The following NT5DC3 variants were observed in gnomAD, a reference collection of about 807,000 sequenced individuals.
NT5DC3 encodes the protein 5'-nucleotidase domain containing 3.
Under a neutral mutation model 67.8 loss-of-function variants are expected in NT5DC3, and 42 were observed. That is an observed-to-expected ratio of 0.62 (90% CI 0.48 to 0.80). The LOEUF (loss-of-function observed/expected upper bound fraction) is 0.80, where lower values mean the gene tolerates loss of function less well. Among genes scored for constraint, NT5DC3 ranks in the 30% least tolerant of loss-of-function variants. NT5DC3 has a pLI of 0.00. For synonymous variants in NT5DC3, 237 were observed against 255.6 expected, an observed-to-expected ratio of 0.93 and a Z score of 0.69; for missense variants, 570 against 696.4, an observed-to-expected ratio of 0.82 and a Z score of 2.04.
At chr12:103,746,949 C>CTTTT in the NT5DC3 span, among the ~76,000 whole-genome samples, 53 of 96,030 alleles carry the variant, frequency 5.5e-4, no homozygotes, top group Non-Finnish European at 6.3e-4. Context: ...GTTTTTCTTT[C>CTTTT]TTTTTTTTTT....
chr12:103,761,742 A>C, the NT5DC3 span, among the ~76,000 whole-genome samples: 1 of 152,150 alleles, frequency 6.6e-6, no homozygotes, highest in African/African-American at 2.4e-5. Context: ...TCTGAGTCCC[A>C]ATTTTCTCAT....
chr12:103,770,160 GA>G (rs1410478171), downstream of NT5DC3, among the ~76,000 whole-genome samples: 6 of 152,178 alleles, frequency 3.9e-5, no homozygotes, highest in Non-Finnish European at 8.8e-5. Flanking sequence ...TCCATTCACT[GA>G]AAGAAAACAG....
chr12:103,808,405 T>G lies in NT5DC3; in HGVS notation c.394-1476A>C, dbSNP rs1886893163. Among the ~76,000 whole-genome samples, 3 of 152,208 alleles carry G rather than the reference T, an allele frequency of 2.0e-5. No homozygotes were observed. In the South Asian group the frequency reaches 6.2e-4, roughly 32 times the overall value. ...ACCTTCCAACTGTGATGCAAGTTGC[T>G]TAAGTTAAAACCCAGACAACTATTA... On this transcript the variant is annotated intron_variant, in intron 2 of 13. Transcript: ENST00000392876.
chr12:103,756,810 T>G, the NT5DC3 span, among the ~76,000 whole-genome samples: 1 of 151,834 alleles, frequency 6.6e-6, no homozygotes, highest in African/African-American at 2.4e-5. Context: ...ACCAAAGATA[T>G]CCATCTCACT....
chr12:103,819,887 C>A (rs762633824), intron 1 of NT5DC3, among the ~76,000 whole-genome samples: 1 of 152,156 alleles, frequency 6.6e-6, no homozygotes, highest in Non-Finnish European at 1.5e-5. Flanking sequence ...CTCCAGAATT[C>A]TTTTCTTCTT....
chr12:103,820,927 C>T (rs1472144929), intron 1 of NT5DC3: 2 of 152,264 alleles, frequency 1.3e-5, no homozygotes, highest in Non-Finnish European at 2.9e-5. Flanking sequence ...GCTGTGCCAT[C>T]TCATACTTGC....
intron 6 of NT5DC3, among the ~76,000 whole-genome samples, chr12:103,796,352 A>G (rs553640203): frequency 6.6e-6 from 1 of 152,206 alleles, no homozygotes; most frequent in South Asian, 2.1e-4. Flanking sequence ...CCTCGTCTCT[A>G]TTAAAAATAC....
intron 9 of NT5DC3, 27 bp downstream of exon 9, chr12:103,793,137 T>C: frequency 6.9e-7 from 1 of 1,459,434 alleles, no homozygotes; most frequent in Non-Finnish European, 9.5e-7. Context: ...GAATAAAATC[T>C]AGTCCCCTAG....
At chr12:103,758,227 A>C in the NT5DC3 span, 1 of 1,614,092 alleles carries the variant, frequency 6.2e-7, no homozygotes, top group South Asian at 1.1e-5. Flanking sequence ...AGAACACCTG[A>C]CTGACCTGTC....
chr12:103,778,159 A>T, intron 13 of NT5DC3, 78 bp from the exon 14 acceptor site: 4 of 1,348,564 alleles, frequency 3.0e-6, no homozygotes, highest in South Asian at 1.6e-5. Flanking sequence ...AATCAAAATC[A>T]CTTCTTTTTT....
chr12:103,816,974 T>C (rs1384861063), intron 1 of NT5DC3, among the ~76,000 whole-genome samples: 1 of 147,280 alleles, frequency 6.8e-6, no homozygotes, highest in Non-Finnish European at 1.5e-5. Context: ...TTTCTTTTTT[T>C]TTTTTTTGCT....
intron 1 of NT5DC3, among the ~76,000 whole-genome samples, chr12:103,829,431 T>A (rs986961765): frequency 6.6e-5 from 10 of 152,260 alleles, no homozygotes; most frequent in African/African-American, 2.4e-4. Flanking sequence ...TCAATATTTG[T>A]TTGATATTTA....
chr12:103,746,572 A>G, the NT5DC3 span: 1 of 1,610,746 alleles, frequency 6.2e-7, no homozygotes, highest in Non-Finnish European at 8.5e-7. Flanking sequence ...TGGGTACAGA[A>G]TGAAAGTGGC....
At chr12:103,836,456 A>G (rs769110562) in intron 1 of NT5DC3, among the ~76,000 whole-genome samples, 2 of 152,180 alleles carry the variant, frequency 1.3e-5, no homozygotes, top group Non-Finnish European at 2.9e-5. Context: ...ATGCATGTCC[A>G]AAATCCAGCC....
At chr12:103,788,949 A>G (rs781077082) in intron 9 of NT5DC3, 30 bp from the exon 10 acceptor site, 2 of 1,387,620 alleles carry the variant, frequency 1.4e-6, no homozygotes, top group Non-Finnish European at 2.1e-6. Context: ...ACATTATGAC[A>G]TGGAGTAGTA....
At chr12:103,766,432 T>C, downstream of NT5DC3, 2 of 1,403,714 alleles carry the variant, frequency 1.4e-6, no homozygotes, top group Non-Finnish European at 1.9e-6. Context: ...CGTAAAGTCC[T>C]TTAAGCACTC....
the NT5DC3 span, chr12:103,755,718 G>A: frequency 3.3e-5 from 54 of 1,613,906 alleles, no homozygotes; most frequent in Non-Finnish European, 4.2e-5. Flanking sequence ...ACTTCCTGAC[G>A]GTATGTACCA....
chr12:103,786,356 C>T (rs983859735), intron 11 of NT5DC3, among the ~76,000 whole-genome samples: 2 of 152,138 alleles, frequency 1.3e-5, no homozygotes, highest in African/African-American at 2.4e-5. Context: ...GGCTGAAGAA[C>T]AGCAAGTGCA....
chr12:103,802,957 G>A (rs1174559018), intron 4 of NT5DC3, among the ~76,000 whole-genome samples: 1 of 152,198 alleles, frequency 6.6e-6, no homozygotes. Context: ...TGGGAGTAAT[G>A]ATTTAGGGAA....
Sources: gnomAD v4.1 joint callset for allele counts (sites outside exome capture counted in the v4.1 genomes callset) on GRCh38, gnomAD v4.1.1 for gene constraint, MANE v1.5 for transcripts, NCBI Gene and HGNC (gene_info 2026-07-23, HGNC 2026-07-21) for gene names.